LY75: variants seen among roughly 807,000 people sequenced by gnomAD.
LY75 encodes the protein lymphocyte antigen 75, also known as C-type lectin domain family 13 member B.
A neutral mutation model predicts 231.7 loss-of-function variants in LY75; 185 were observed. That is an observed-to-expected ratio of 0.80 (90% CI 0.71 to 0.90). The LOEUF (loss-of-function observed/expected upper bound fraction) is 0.90. LY75 is among the 40% of genes least tolerant of loss of function. The pLI is 0.00. For synonymous variants in LY75, 668 were observed against 689.0 expected, an observed-to-expected ratio of 0.97 and a Z score of 0.48; for missense variants, 1,947 against 2,050.2, an observed-to-expected ratio of 0.95 and a Z score of 0.97.
At position 159,887,581 on chromosome 2, in the gene LY75, A is replaced by AAAG. The variant is rs1553812867; in HGVS notation, c.803-1052_803-1051insCTT. 1.2e-4 allele frequency among the ~76,000 whole-genome samples: 18 copies of AAAG among 149,646 alleles called. 1 individual carries two copies. The highest frequency in any genetic ancestry group is 4.5e-4 in the African/African-American group (18 of 40,288). ...TCAACAACAACAAAAAAAAAAAAAAAAAAGAAAAAAGAAAGAAAGATAGAA... is the reference window on the plus strand; with the variant it reads ...TCAACAACAACAAAAAAAAAAAAAAAAAGAAAGAAAAAAGAAAGAAAGATAGAA... On this transcript the variant is annotated intron_variant, in intron 4 of 34. Coordinates refer to ENST00000263636, the MANE Select transcript of LY75 (RefSeq NM_002349.4).
intron 31 of LY75, chr2:159,812,242 A>G (rs1467328407): frequency 8.3e-6 from 1 of 120,286 alleles, no homozygotes; most frequent in Non-Finnish European, 1.7e-5. Context: ...GGCTGCGTAC[A>G]TTTTTTTTTC....
Position 159,852,282 on chromosome 2 carries a change from A to G in LY75, c.2802T>C (p.Asn934=). 5 of 1,614,072 alleles carry G rather than the reference A, an allele frequency of 3.1e-6. No homozygotes were observed. The highest frequency in any genetic ancestry group is 3.4e-6 in the Non-Finnish European group (4 of 1,179,982). ...TKLPFICEKY[N]VSSLEKYSPD... is the part of the protein sequence containing the mutation. Reference sequence around the variant, plus strand: ...GGCTGTATTTCTCTAACGAAGAAACATTATATTTTTCACAGATGAAGGGCA... The same window carrying G: ...GGCTGTATTTCTCTAACGAAGAAACGTTATATTTTTCACAGATGAAGGGCA... Residue 934 remains asparagine, a synonymous_variant, in exon 21 of 35, where the codon AAT becomes AAC. Coordinates refer to ENST00000263636, the MANE Select transcript of LY75 (RefSeq NM_002349.4).
chr2:159,875,767 G>A, intron 11 of LY75, 124 bp from the exon 12 acceptor site: 1 of 1,189,762 alleles, frequency 8.4e-7, no homozygotes, highest in Non-Finnish European at 1.2e-6. Context: ...GGAACAAAGA[G>A]AGGAAAGAAA....
rs35783239 is a variant in LY75 at position 159,821,215 on chromosome 2, T to TAA, written c.3959-1297_3959-1296dup. 2.8e-5 allele frequency among the ~76,000 whole-genome samples: 4 copies of TAA among 144,418 alleles called. No individual in the cohort carries two copies. In the East Asian group the frequency reaches 6.1e-4, roughly 22 times the overall value. 94.7% of individuals were successfully genotyped at this position (144,418 alleles called of 152,430 possible). A position where few individuals can be genotyped will look rare whatever the true frequency, so the allele number is the denominator to read the frequency against. ...GTCTTCTAAACTGGATATCCACATG[T>TAA]AAAAAAAAAAAAAAAATGAAGTTGG... On this transcript the variant is annotated intron_variant, in intron 28 of 34. Coordinates refer to ENST00000263636, the MANE Select transcript of LY75 (RefSeq NM_002349.4).
chr2:159,900,081 G>C (rs986876258), intron 1 of LY75, among the ~76,000 whole-genome samples: 1 of 152,160 alleles, frequency 6.6e-6, no homozygotes, highest in Admixed American at 6.5e-5. Context: ...GATCCTGTGG[G>C]TTTGGACAAT....
rs777587421 is a variant in LY75, at chr2:159,850,094, A to C, written c.3036T>G (p.Ile1012Met). The change falls in exon 23 of 35, where the codon ATT becomes ATG. Residue 1012 changes from isoleucine (I) to methionine (M), a missense_variant. Coordinates refer to ENST00000263636, the MANE Select transcript of LY75 (RefSeq NM_002349.4). ...LLPDMEATLW[I>M]GLRWTAYEKI... ...TTTCATAGGCAGTCCAGCGCAAACC[A>C]ATCCATAAAGTAGCTTCCATATCCG... The C allele has an allele frequency of 1.1e-5, 18 of 1,613,666 alleles. No homozygotes were observed. Among genetic ancestry groups the C allele is most frequent in the African/African-American group, 2.7e-5 (2 of 74,918 alleles).
At chr2:159,822,381 G>C (rs898371148) in intron 28 of LY75, among the ~76,000 whole-genome samples, 1 of 152,192 alleles carries the variant, frequency 6.6e-6, no homozygotes, top group Non-Finnish European at 1.5e-5. Flanking sequence ...GCTGAGGCTC[G>C]AGTAGGCAGT....
At chr2:159,823,346 T>C (rs1276392645) in intron 28 of LY75, among the ~76,000 whole-genome samples, 1 of 152,052 alleles carries the variant, frequency 6.6e-6, no homozygotes, top group Non-Finnish European at 1.5e-5. Flanking sequence ...AGAAAGGATA[T>C]CAGGGATTGA....
intron 13 of LY75, among the ~76,000 whole-genome samples, chr2:159,866,577 C>T (rs1337227863): frequency 2.6e-5 from 4 of 152,122 alleles, no homozygotes; most frequent in Non-Finnish European, 4.4e-5. Context: ...TTCAGCTCAT[C>T]GGAGCTCTCT....
chr2:159,838,822 GT>G (rs1683917139), intron 25 of LY75, among the ~76,000 whole-genome samples: 1 of 152,058 alleles, frequency 6.6e-6, no homozygotes, highest in Non-Finnish European at 1.5e-5. Flanking sequence ...TAGAGATGGA[GT>G]CTCACTCTGT....
chr2:159,882,218 C>CT lies in LY75; in HGVS notation c.1151dup (p.Ala385GlyfsTer10). ...TGAAGGCTTTGCATTTCGCATGTGCCTTATCCCAGGAATTACTTTCATTTA... is the reference window on the plus strand; with the variant it reads ...TGAAGGCTTTGCATTTCGCATGTGCCTTTATCCCAGGAATTACTTTCATTTA... On this transcript the variant is annotated frameshift_variant, in exon 7 of 35. Transcript: ENST00000263636. LOFTEE classifies it high-confidence loss of function. 1 of 1,614,028 alleles carries CT rather than the reference C, an allele frequency of 6.2e-7. No homozygotes were observed. The highest frequency in any genetic ancestry group is 1.7e-5 in the Admixed American group (1 of 59,990).
chr2:159,807,209 T>C (rs922328001), intron 33 of LY75, 69 bp from the exon 34 acceptor site: 37 of 1,524,874 alleles, frequency 2.4e-5, no homozygotes, highest in Non-Finnish European at 3.1e-5. Flanking sequence ...CATGGGTTCA[T>C]GTAACTCATC....
intron 28 of LY75, among the ~76,000 whole-genome samples, chr2:159,823,129 G>A (rs1156676706): frequency 6.6e-6 from 1 of 152,082 alleles, no homozygotes; most frequent in Non-Finnish European, 1.5e-5. Flanking sequence ...GCTTCAGAAG[G>A]TGGGTAATTA....
At chr2:159,885,449 A>G (rs1259880509) in intron 5 of LY75, 156 bp from the exon 6 acceptor site, 6 of 477,292 alleles carry the variant, frequency 1.3e-5, no homozygotes, top group Non-Finnish European at 1.6e-5. Context: ...CTCAATGAAT[A>G]ATTATGTGCT....
chr2:159,848,556 A>C (rs536893262), intron 23 of LY75, among the ~76,000 whole-genome samples: 1 of 152,326 alleles, frequency 6.6e-6, no homozygotes, highest in Non-Finnish European at 1.5e-5. Context: ...CAACCATTAA[A>C]AAGCTTATCA....
chr2:159,877,298 A>G (rs577538876), intron 11 of LY75, among the ~76,000 whole-genome samples: 2 of 152,342 alleles, frequency 1.3e-5, no homozygotes, highest in South Asian at 2.1e-4. Context: ...TCATGATCAC[A>G]TTAGACCAAC....
chr2:159,814,021 T>C (rs923472929), intron 31 of LY75: 3 of 152,232 alleles, frequency 2.0e-5, no homozygotes, highest in Non-Finnish European at 4.4e-5. Context: ...CCTGCTTCTC[T>C]AAAGTTTTCA....
chr2:159,819,403 TC>T (rs1683218626), intron 29 of LY75, among the ~76,000 whole-genome samples: 1 of 135,296 alleles, frequency 7.4e-6, no homozygotes, highest in Non-Finnish European at 1.8e-5. Context: ...TTGAAGCCTT[TC>T]CTTTTTTTTT....
At chr2:159,829,712 G>A (rs1683589148) in intron 28 of LY75, among the ~76,000 whole-genome samples, 1 of 152,144 alleles carries the variant, frequency 6.6e-6, no homozygotes, top group South Asian at 2.1e-4. Flanking sequence ...CAGTAAGAAT[G>A]AGATTCAAAT....
Sources: allele counts gnomAD v4.1 joint callset (sites outside exome capture counted in the v4.1 genomes callset), GRCh38; gene constraint gnomAD v4.1.1; transcripts MANE v1.5; gene names NCBI Gene and HGNC (gene_info 2026-07-23, HGNC 2026-07-21).